Variants in NELL1 observed in about 807,000 individuals in gnomAD.
NELL1 encodes neural EGFL like 1.
Under a neutral mutation model 107.4 loss-of-function variants are expected in NELL1, and 76 were observed. That is an observed-to-expected ratio of 0.71 (90% CI 0.59 to 0.86). The LOEUF is 0.86. Among genes scored for constraint, NELL1 ranks in the 40% least tolerant of loss-of-function variants. The pLI is 0.00. For missense variants in NELL1, 1,024 were observed against 1,005.5 expected (o/e 1.02, Z -0.25); for synonymous variants, 353 against 341.2 (o/e 1.03, Z -0.38).
At chr11:20,695,708 A>G (rs1854596768) in intron 2 of NELL1, among the ~76,000 whole-genome samples, 1 of 152,056 alleles carries the variant, frequency 6.6e-6, no homozygotes, top group African/African-American at 2.4e-5. Context: ...GTCTATGTTC[A>G]TTAGGGTAGG....
intron 14 of NELL1, among the ~76,000 whole-genome samples, chr11:21,329,697 T>C (rs1850229512): frequency 6.6e-6 from 1 of 152,148 alleles, no homozygotes; most frequent in Non-Finnish European, 1.5e-5. Flanking sequence ...CTTTTTTGTG[T>C]AATGTTTTAA....
intron 12 of NELL1, among the ~76,000 whole-genome samples, chr11:21,045,221 G>A (rs1048686165): frequency 6.6e-6 from 1 of 152,066 alleles, no homozygotes; most frequent in African/African-American, 2.4e-5. Context: ...CTAAGAGATA[G>A]TATTTTGAAT....
chr11:20,787,303 G>A (rs1384919072), intron 3 of NELL1, among the ~76,000 whole-genome samples: 1 of 152,052 alleles, frequency 6.6e-6, no homozygotes, highest in African/African-American at 2.4e-5. Flanking sequence ...TCTACTTAAG[G>A]AGACTGGAAT....
intron 13 of NELL1, among the ~76,000 whole-genome samples, chr11:21,220,833 C>T (rs919405971): frequency 1.3e-5 from 2 of 152,058 alleles, no homozygotes; most frequent in Non-Finnish European, 1.5e-5. Flanking sequence ...ATTTGACTTC[C>T]TTTTTTCCTA....
chr11:21,438,073 T>C (rs1853174616), intron 15 of NELL1, among the ~76,000 whole-genome samples: 1 of 152,198 alleles, frequency 6.6e-6, no homozygotes, highest in Non-Finnish European at 1.5e-5. Flanking sequence ...CAGTGAGTTT[T>C]ATACTTTCTG....
chr11:20,773,680 T>TAG (rs1856684965), intron 2 of NELL1: 1 of 151,996 alleles, frequency 6.6e-6, no homozygotes, highest in African/African-American at 2.4e-5. Context: ...GTATTTTTAG[T>TAG]AGAGATGGGG....
At chr11:20,779,672 T>C (rs1260287410) in intron 2 of NELL1, among the ~76,000 whole-genome samples, 1 of 152,238 alleles carries the variant, frequency 6.6e-6, no homozygotes, top group Non-Finnish European at 1.5e-5. Flanking sequence ...TTTATGTTAA[T>C]TTGGAAAATC....
chr11:21,408,994 T>C (rs1381647472), intron 15 of NELL1, among the ~76,000 whole-genome samples: 1 of 152,002 alleles, frequency 6.6e-6, no homozygotes, highest in Non-Finnish European at 1.5e-5. Flanking sequence ...GACTGCAAAC[T>C]AGTTCAACCA....
chr11:20,715,721 G>T (rs1855234003), intron 2 of NELL1, among the ~76,000 whole-genome samples: 1 of 152,208 alleles, frequency 6.6e-6, no homozygotes. Context: ...GAATTTTGAT[G>T]ATCCTTTCAC....
intron 12 of NELL1, among the ~76,000 whole-genome samples, chr11:21,094,263 A>G (rs575489994): frequency 2.0e-5 from 3 of 152,348 alleles, no homozygotes; most frequent in Admixed American, 2.0e-4. Flanking sequence ...CAGGTCATGC[A>G]GATGAAAGAG....
At chr11:21,414,389 T>C (rs1852452738) in intron 15 of NELL1, among the ~76,000 whole-genome samples, 1 of 152,046 alleles carries the variant, frequency 6.6e-6, no homozygotes, top group Non-Finnish European at 1.5e-5. Context: ...AATAATATCT[T>C]CAAAAATATT....
intron 16 of NELL1, among the ~76,000 whole-genome samples, chr11:21,552,724 A>T (rs1856621501): frequency 6.6e-6 from 1 of 151,832 alleles, no homozygotes; most frequent in South Asian, 2.1e-4. Context: ...GAGGATCAAG[A>T]TTCAAAGGGA....
At chr11:21,488,052 AAGAGAG>A (rs577480587) in intron 15 of NELL1, among the ~76,000 whole-genome samples, 344 of 152,178 alleles carry the variant, frequency 2.3e-3, no homozygotes, top group African/African-American at 7.9e-3. Flanking sequence ...ACTAGATCTA[AAGAGAG>A]AAACTGACTT....
chr11:21,135,762 A>G (rs573855660), intron 13 of NELL1, among the ~76,000 whole-genome samples: 1 of 152,208 alleles, frequency 6.6e-6, no homozygotes, highest in Non-Finnish European at 1.5e-5. Context: ...TAGTTGCTCA[A>G]TAAATATTAG....
chr11:20,902,433 C>T (rs1849895898), intron 5 of NELL1, among the ~76,000 whole-genome samples: 1 of 152,072 alleles, frequency 6.6e-6, no homozygotes. Context: ...ACCATTTCTT[C>T]ACCCATTAGC....
chr11:21,214,504 C>G (rs1388194971), intron 13 of NELL1, among the ~76,000 whole-genome samples: 1 of 152,040 alleles, frequency 6.6e-6, no homozygotes, highest in Non-Finnish European at 1.5e-5. Context: ...TTTCTATACA[C>G]CCATCAGAAT....
chr11:20,710,487 G>T (rs1225207576), intron 2 of NELL1, among the ~76,000 whole-genome samples: 1 of 152,076 alleles, frequency 6.6e-6, no homozygotes, highest in Non-Finnish European at 1.5e-5. Flanking sequence ...TGTTCATCAG[G>T]GATATTGGTC....
intron 14 of NELL1, among the ~76,000 whole-genome samples, chr11:21,229,691 T>C (rs1159967643): frequency 2.6e-5 from 4 of 152,242 alleles, no homozygotes; most frequent in African/African-American, 9.6e-5. Flanking sequence ...CATAACTTGA[T>C]GGCTCTGTTC....
intron 13 of NELL1, among the ~76,000 whole-genome samples, chr11:21,225,290 A>G (rs1038647682): frequency 2.0e-5 from 3 of 152,076 alleles, no homozygotes; most frequent in African/African-American, 7.2e-5. Context: ...CCCTCTCAGG[A>G]AATATGAAGT....
Sources: allele counts gnomAD v4.1 joint callset (sites outside exome capture counted in the v4.1 genomes callset), GRCh38; gene constraint gnomAD v4.1.1; transcripts MANE v1.5; gene names NCBI Gene and HGNC (gene_info 2026-07-23, HGNC 2026-07-21).